The following BCAT1 variants were observed in gnomAD, a reference collection of about 807,000 sequenced individuals.
The protein encoded by BCAT1 is branched chain amino acid transaminase 1, also known as branched-chain-amino-acid aminotransferase, cytosolic.
A neutral mutation model predicts 52.4 loss-of-function variants in BCAT1; 48 were observed. The ratio of observed to expected loss-of-function variants is 0.92; its 90% CI spans 0.73 to 1.16. The LOEUF (loss-of-function observed/expected upper bound fraction) is 1.16. Among genes scored for constraint, BCAT1 ranks in the 50% most tolerant of loss-of-function variants. The pLI, the probability that BCAT1 is intolerant of heterozygous loss-of-function variation, is 0.00. For synonymous variants in BCAT1, 167 were observed against 161.3 expected, an observed-to-expected ratio of 1.04 and a Z score of -0.27; for missense variants, 451 against 457.1, an observed-to-expected ratio of 0.99 and a Z score of 0.12.
chr12:24,853,791 A>T (rs1941585077), intron 5 of BCAT1, among the ~76,000 whole-genome samples: 1 of 152,190 alleles, frequency 6.6e-6, no homozygotes, highest in South Asian at 2.1e-4. Context: ...AATTTCGATG[A>T]GTCACATTCC....
intron 6 of BCAT1, 100 bp downstream of exon 6, chr12:24,849,686 G>C: frequency 7.9e-7 from 1 of 1,267,830 alleles, no homozygotes; most frequent in Non-Finnish European, 1.1e-6. Flanking sequence ...GAGCATTAAA[G>C]TTTGAAAAGT....
intron 1 of BCAT1, among the ~76,000 whole-genome samples, chr12:24,924,587 A>G (rs10771141): frequency 0.32 from 48,714 of 152,048 alleles, 9,151 homozygotes; most frequent in Middle Eastern, 0.53. Context: ...CTCTAATCAT[A>G]AAGATAAAAT....
chr12:24,836,955 A>T lies in BCAT1; in HGVS notation c.818-359T>A, dbSNP rs1026321328. On this transcript the variant is annotated intron_variant, in intron 7 of 10. Coordinates refer to ENST00000261192, the MANE Select transcript of BCAT1 (RefSeq NM_005504.7). ...GAAAGAAAGAAAGAAAGAAAGAAAG[A>T]AAAGAGAAAGAAAGAAAGAGAGAGA... Among the ~76,000 whole-genome samples the T allele has an allele frequency of 3.0e-4, 28 of 92,306 alleles. 2 individuals carry two copies. The highest frequency in any genetic ancestry group is 6.5e-3 in the Middle Eastern group (1 of 154). 60.6% of individuals were successfully genotyped at this position (92,306 alleles called of 152,430 possible).
At chr12:24,864,661 GAC>G (rs34153775) in intron 5 of BCAT1, among the ~76,000 whole-genome samples, 6,063 of 152,086 alleles carry the variant, frequency 0.04, 388 homozygotes, top group African/African-American at 0.14. Flanking sequence ...TCCCAACTAA[GAC>G]ACACACTCCC....
intron 1 of BCAT1, among the ~76,000 whole-genome samples, chr12:24,911,013 A>G (rs1334560400): frequency 6.6e-6 from 1 of 151,992 alleles, no homozygotes; most frequent in Non-Finnish European, 1.5e-5. Flanking sequence ...CTGAGACATG[A>G]GAATTGTGTG....
At chr12:24,865,678 T>C (rs1022867917) in intron 5 of BCAT1, among the ~76,000 whole-genome samples, 1 of 152,122 alleles carries the variant, frequency 6.6e-6, no homozygotes. Context: ...ATATAATATA[T>C]AAAATCTGGT....
Position 24,928,572 on chromosome 12 carries a change from C to T in BCAT1, c.6+20355G>A, listed in dbSNP as rs1436070189. On this transcript the variant is annotated intron_variant, in intron 1 of 10. Transcript: ENST00000261192. ...GTAGGATCACTTGAGCCCACAAAAT[C>T]GAAGCTGCAGCGAGCTGTGATTGTG... 9.7e-5 allele frequency among the ~76,000 whole-genome samples: 14 copies of T among 145,058 alleles called. No homozygotes were observed. The South Asian group carries it at 2.8e-3, about 29-fold the overall frequency.
chr12:24,871,092 G>A (rs1022771708), intron 5 of BCAT1, among the ~76,000 whole-genome samples: 3 of 152,156 alleles, frequency 2.0e-5, no homozygotes, highest in South Asian at 2.1e-4. Flanking sequence ...TGCCTGACAA[G>A]TGGGGTCACT....
chr12:24,869,633 A>G (rs1942124093), intron 5 of BCAT1, among the ~76,000 whole-genome samples: 1 of 152,202 alleles, frequency 6.6e-6, no homozygotes, highest in South Asian at 2.1e-4. Context: ...AAAGAGAAGC[A>G]ACTACATATG....
chr12:24,886,202 G>T (rs954317512), intron 3 of BCAT1, among the ~76,000 whole-genome samples: 5 of 152,170 alleles, frequency 3.3e-5, no homozygotes, highest in African/African-American at 1.2e-4. Flanking sequence ...AGGATTGCTG[G>T]AGCCCAGGAG....
At chr12:24,850,198 C>T (rs1941464651) in intron 5 of BCAT1, among the ~76,000 whole-genome samples, 1 of 152,100 alleles carries the variant, frequency 6.6e-6, no homozygotes. Flanking sequence ...CTAGATTTGT[C>T]CATTTTTGCG....
rs1418932227 is a variant in BCAT1, at chr12:24,817,953, C to G, written c.*55G>C. The G allele has an allele frequency of 1.4e-5, 21 of 1,542,748 alleles. No homozygotes were observed. In the East Asian group the frequency reaches 4.3e-4, roughly 31 times the overall value. Reference sequence around the variant, plus strand: ...TCACAATTCAAATGCAACAGTCTGTCCCAGTAGCATACAGTTGGTATCCTC... The same window carrying G: ...TCACAATTCAAATGCAACAGTCTGTGCCAGTAGCATACAGTTGGTATCCTC... On this transcript the variant is annotated 3_prime_UTR_variant, in exon 11 of 11. Coordinates refer to ENST00000261192, the MANE Select transcript of BCAT1 (RefSeq NM_005504.7).
intron 5 of BCAT1, among the ~76,000 whole-genome samples, chr12:24,867,176 T>C (rs1565472260): frequency 6.6e-6 from 1 of 151,228 alleles, no homozygotes; most frequent in Non-Finnish European, 1.5e-5. Flanking sequence ...AGGAAGAAAC[T>C]CCGAACACAT....
At chr12:24,858,618 T>C (rs1463190803) in intron 5 of BCAT1, among the ~76,000 whole-genome samples, 1 of 152,204 alleles carries the variant, frequency 6.6e-6, no homozygotes, top group Non-Finnish European at 1.5e-5. Flanking sequence ...TGCACTTCTG[T>C]CTGGCGTCCT....
At chr12:24,903,540 G>A (rs796173729) in intron 1 of BCAT1, 2 of 152,284 alleles carry the variant, frequency 1.3e-5, no homozygotes, top group Admixed American at 6.5e-5. Flanking sequence ...GGGGGAGAAC[G>A]TGAATCCAGC....
At position 24,816,100 on chromosome 12, in the gene BCAT1, C is replaced by T. The variant is rs1939864272; in HGVS notation, c.*1908G>A. 1 of 154,914 alleles carries T rather than the reference C, an allele frequency of 6.5e-6. No individual in the cohort carries two copies. 9.6% of individuals were successfully genotyped at this position (154,914 alleles called of 1,614,324 possible). A position where few individuals can be genotyped will look rare whatever the true frequency, so the allele number is the denominator to read the frequency against. On this transcript the variant is annotated 3_prime_UTR_variant, in exon 11 of 11. Transcript: ENST00000261192. ...AAGATTTCAGATCACCAATTAAAAGCCCCCTAAAAGATATTTTTATCATTC... is the reference window on the plus strand; with the variant it reads ...AAGATTTCAGATCACCAATTAAAAGTCCCCTAAAAGATATTTTTATCATTC...
intron 1 of BCAT1, among the ~76,000 whole-genome samples, chr12:24,942,216 C>T (rs561795389): frequency 2.6e-5 from 4 of 152,214 alleles, no homozygotes; most frequent in African/African-American, 9.6e-5. Flanking sequence ...GTCCACAGGA[C>T]GTGGTACCTG....
At position 24,828,429 on chromosome 12, in the gene BCAT1, T is replaced by C. The variant is rs181223800; in HGVS notation, c.1119+1394A>G. 1.3e-4 allele frequency among the ~76,000 whole-genome samples: 20 copies of C among 152,152 alleles called. No individual in the cohort carries two copies. In the East Asian group the frequency reaches 3.5e-3, roughly 26 times the overall value. ...AAACAAAGTTAGCAGTATGAAAAAA[T>C]AGACGTGTATACTCTTTGATCCCAG... On this transcript the variant is annotated intron_variant, in intron 10 of 10. Coordinates refer to ENST00000261192, the MANE Select transcript of BCAT1 (RefSeq NM_005504.7).
Position 24,811,829 on chromosome 12 carries a change from G to A in BCAT1, c.*6179C>T, listed in dbSNP as rs1939696057. On this transcript the variant is annotated 3_prime_UTR_variant, in exon 11 of 11. Coordinates refer to ENST00000261192, the MANE Select transcript of BCAT1 (RefSeq NM_005504.7). Reference sequence around the variant, plus strand: ...TAATTGCAATCAGATTCAGATACAAGAGAACAGGTTCTAACAATTTCATAA... The same window carrying A: ...TAATTGCAATCAGATTCAGATACAAAAGAACAGGTTCTAACAATTTCATAA... 1 of 152,112 alleles carries A rather than the reference G, an allele frequency of 6.6e-6. No homozygotes were observed. Among genetic ancestry groups the A allele is most frequent in the South Asian group, 2.1e-4 (1 of 4,832 alleles). The allele number at this position is 152,112 out of a possible 1,614,324, so 9.4% of individuals were successfully genotyped here.
Sources: gnomAD v4.1 joint callset for allele counts (sites outside exome capture counted in the v4.1 genomes callset) on GRCh38, gnomAD v4.1.1 for gene constraint, MANE v1.5 for transcripts, NCBI Gene and HGNC (gene_info 2026-07-23, HGNC 2026-07-21) for gene names.